NBPF20: variants seen among roughly 807,000 people sequenced by gnomAD.
NBPF20 encodes the protein NBPF family member NBPF20.
Under a neutral mutation model 68.1 loss-of-function variants are expected in NBPF20, and 90 were observed. That is an observed-to-expected ratio of 1.32 (90% confidence interval 1.11 to 1.58). NBPF20 has a LOEUF of 1.58. Among genes scored for constraint, NBPF20 ranks in the 40% most tolerant of loss-of-function variants. The pLI, the probability that NBPF20 is intolerant of heterozygous loss-of-function variation, is 0.00. For missense variants in NBPF20, 816 were observed against 601.2 expected (o/e 1.36, Z -3.74); for synonymous variants, 290 against 228.1 (o/e 1.27, Z -2.45).
rs1406183925 is a variant in NBPF20 at position 145,393,808 on chromosome 1, C to T, written c.1043+76G>A. 3 of 1,254,672 alleles carry T rather than the reference C, an allele frequency of 2.4e-6. No homozygotes were observed. The African/African-American group carries it at 4.4e-5, about 19-fold the overall frequency. The allele number at this position is 1,254,672 out of a possible 1,614,324, so 77.7% of individuals were successfully genotyped here. A position where few individuals can be genotyped will look rare whatever the true frequency, so the allele number is the denominator to read the frequency against. On this transcript the variant is annotated intron_variant, in intron 9 of 137. Transcript: ENST00000369373. ...GACAAGACAAAATCATTATTTTCAG[C>T]ATGTACTGTTTTCCCTGGACTTGGC...
chr1:145,400,107 C>A (rs1167340193), intron 6 of NBPF20, among the ~76,000 whole-genome samples: 1 of 152,186 alleles, frequency 6.6e-6, no homozygotes, highest in Non-Finnish European at 1.5e-5. Flanking sequence ...ACAAGAGATA[C>A]TGAATCGAAG....
the NBPF20 span, among the ~76,000 whole-genome samples, chr1:145,415,290 T>G: frequency 6.6e-6 from 1 of 151,888 alleles, no homozygotes; most frequent in East Asian, 1.9e-4. Context: ...TCTCAGTAGA[T>G]GGAATATACA....
chr1:145,402,240 C>G (rs1662555613), exon 4 of NBPF20: 38 of 1,608,614 alleles, frequency 2.4e-5, no homozygotes, highest in Non-Finnish European at 2.7e-5. Flanking sequence ...GGTCCTGCCC[C>G]TGGGACTTGT....
chr1:145,392,481 A>G, intron 10 of NBPF20, 127 bp from the exon 16 acceptor site: 1 of 26,144 alleles, frequency 3.8e-5, no homozygotes, highest in South Asian at 2.9e-4. Context: ...TGTGAGAGAT[A>G]GTCTTCAGGA....
upstream of NBPF20, among the ~76,000 whole-genome samples, chr1:145,410,443 T>C (rs1268995526): frequency 9.3e-5 from 14 of 149,924 alleles, no homozygotes; most frequent in African/African-American, 3.2e-4. Flanking sequence ...GCCTCCCAAG[T>C]AGCTAGGACT....
chr1:145,334,928 G>T (rs1280427729), intron 83 of NBPF20, among the ~76,000 whole-genome samples: 2 of 126,212 alleles, frequency 1.6e-5, no homozygotes, highest in Non-Finnish European at 3.7e-5. Flanking sequence ...CTCTGAGTTA[G>T]TGCCCTCGGG....
the NBPF20 span, among the ~76,000 whole-genome samples, chr1:145,410,819 T>C: frequency 1.7e-4 from 1 of 5,994 alleles, no homozygotes; most frequent in African/African-American, 5.3e-4. Flanking sequence ...TATATACGTA[T>C]ATATATATAT....
upstream of NBPF20, among the ~76,000 whole-genome samples, chr1:145,409,384 A>T (rs1294510437): frequency 6.7e-6 from 1 of 149,310 alleles, no homozygotes; most frequent in Non-Finnish European, 1.5e-5. Context: ...AGGCCTCCCT[A>T]ACAACTGTTT....
intron 133 of NBPF20, 44 bp from the exon 139 acceptor site, chr1:145,294,998 G>C (rs1661261862): frequency 3.1e-6 from 1 of 319,222 alleles, no homozygotes; most frequent in Non-Finnish European, 5.2e-6. Context: ...GGGGGAATCA[G>C]AAACCACACA....
At position 145,292,386 on chromosome 1, in the gene NBPF20, G is replaced by T. The variant is rs781928295; in HGVS notation, c.16692C>A (p.Cys5564Ter). Residue 5564 changes from cysteine to a stop codon, truncating the protein, a stop_gained, in exon 137 of 138, where the codon TGC becomes TGA. Transcript: ENST00000369373. LOFTEE classifies it high-confidence loss of function. ...CCACAATTGCTGAAAGTCACCTGGG[G>T]CATGGTGGGTTTTGATCTTCTTCCC... 1.5e-6 allele frequency: 1 copy of T among 681,390 alleles called. No individual in the cohort carries two copies. The allele number at this position is 681,390 out of a possible 1,614,324, so 42.2% of individuals were successfully genotyped here.
rs781979776 is a variant in NBPF20, at chr1:145,405,173, G to A, written c.100C>T (p.Gln34Ter). 9.9e-6 allele frequency: 16 copies of A among 1,613,294 alleles called. No homozygotes were observed. Among genetic ancestry groups the A allele is most frequent in the Non-Finnish European group, 1.3e-5 (15 of 1,179,872 alleles). Residue 34 changes from glutamine to a stop codon, truncating the protein, a stop_gained, in exon 2 of 138, where the codon CAG (glutamine) becomes TAG (stop). Coordinates refer to ENST00000369373, the Ensembl canonical transcript of NBPF20. LOFTEE classifies it high-confidence loss of function. ...CATCTCTCTTTGAGGTTTCCGAACTGCTGTTTGTTCTCTGCCAACTGGGGG... is the reference window on the plus strand; with the variant it reads ...CATCTCTCTTTGAGGTTTCCGAACTACTGTTTGTTCTCTGCCAACTGGGGG...
At chr1:145,422,887 G>A in the NBPF20 span, among the ~76,000 whole-genome samples, 1 of 149,580 alleles carries the variant, frequency 6.7e-6, no homozygotes, top group Non-Finnish European at 1.5e-5. Context: ...TACTCAGGAG[G>A]CTGAGGTGGG....
chr1:145,291,714 C>A (rs1243615397), exon 138 of NBPF20: 7 of 1,611,916 alleles, frequency 4.3e-6, no homozygotes, highest in South Asian at 1.1e-5. Flanking sequence ...TAACATCCAT[C>A]CAGTGAGTCC....
chr1:145,405,257 C>G (rs372828529), exon 2 of NBPF20: 1 of 1,609,048 alleles, frequency 6.2e-7, no homozygotes, highest in Non-Finnish European at 8.5e-7. Flanking sequence ...GACCAAGGGC[C>G]GGCTGATACC....
In NBPF20 at chr1:145,401,048, T is replaced by C. The variant is rs1165517616; in HGVS notation, c.566+11A>G. On this transcript the variant is annotated intron_variant, in intron 5 of 137. Coordinates refer to ENST00000369373, the Ensembl canonical transcript of NBPF20. The stretch of plus-strand genomic sequence containing the variant: ...ACCATCCATTAATTGTTCCTGAGTA[T>C]TCAGTGTTACCTGGGGGCAGACGAT... 1 of 1,599,426 alleles carries C rather than the reference T, an allele frequency of 6.3e-7. No individual in the cohort carries two copies. Among genetic ancestry groups the C allele is most frequent in the Non-Finnish European group, 8.5e-7 (1 of 1,171,872 alleles).
intron 4 of NBPF20, among the ~76,000 whole-genome samples, chr1:145,401,370 C>G (rs1352165891): frequency 2.3e-5 from 3 of 129,180 alleles, no homozygotes; most frequent in African/African-American, 8.6e-5. Flanking sequence ...CCTTTTGCTT[C>G]CCATATCACT....
chr1:145,410,777 T>C, the NBPF20 span, among the ~76,000 whole-genome samples: 2 of 132,688 alleles, frequency 1.5e-5, no homozygotes, highest in Non-Finnish European at 3.2e-5. Context: ...TATATATATA[T>C]ATACACACAC....
exon 1 of NBPF20, chr1:145,405,548 G>C (rs1553667040): frequency 8.9e-7 from 1 of 1,122,056 alleles, no homozygotes; most frequent in Admixed American, 2.4e-5. Flanking sequence ...ATTGTGGCCA[G>C]CGTGCCAGGT....
chr1:145,424,177 C>T, the NBPF20 span, among the ~76,000 whole-genome samples: 4 of 148,894 alleles, frequency 2.7e-5, no homozygotes, highest in South Asian at 6.6e-4. Context: ...GGTTTTGGCA[C>T]GTTGCCCAGG....
Sources: gnomAD v4.1 joint callset for allele counts (sites outside exome capture counted in the v4.1 genomes callset) on GRCh38, gnomAD v4.1.1 for gene constraint, MANE v1.5 for transcripts, NCBI Gene and HGNC (gene_info 2026-07-23, HGNC 2026-07-21) for gene names.